MAD1L1: variants seen among roughly 807,000 people sequenced by gnomAD.
MAD1L1 encodes the protein mitotic spindle assembly checkpoint protein MAD1.
MAD1L1 carries 95 observed loss-of-function variants against 96.9 expected under a neutral mutation model. That is an observed-to-expected ratio of 0.98 (90% CI 0.83 to 1.16). The LOEUF is 1.16. Ranked by LOEUF, MAD1L1 falls within the 50% of genes most tolerant of loss-of-function variation. MAD1L1 has a pLI of 0.00. For synonymous variants in MAD1L1, 473 were observed against 396.6 expected, an observed-to-expected ratio of 1.19 and a Z score of -2.29; for missense variants, 1,007 against 954.4, an observed-to-expected ratio of 1.06 and a Z score of -0.73.
chr7:1,942,518 C>G (rs756443525), intron 16 of MAD1L1, among the ~76,000 whole-genome samples: 1 of 152,178 alleles, frequency 6.6e-6, no homozygotes, highest in Non-Finnish European at 1.5e-5. Context: ...TCCAGGGCAG[C>G]CGAGTGTCGG....
At chr7:2,100,412 G>A (rs1256775033) in intron 11 of MAD1L1, among the ~76,000 whole-genome samples, 4 of 152,214 alleles carry the variant, frequency 2.6e-5, no homozygotes, top group Non-Finnish European at 5.9e-5. Flanking sequence ...CTGCTTCCTG[G>A]AGGGGGTGCC....
intron 17 of MAD1L1, among the ~76,000 whole-genome samples, chr7:1,899,922 G>A (rs1036578606): frequency 3.9e-5 from 6 of 152,202 alleles, no homozygotes; most frequent in African/African-American, 9.6e-5. Context: ...GGGAGGGGCC[G>A]CGGTTTCAGC....
chr7:2,219,522 A>C, intron 5 of MAD1L1, 66 bp from the exon 6 acceptor site: 1 of 1,566,482 alleles, frequency 6.4e-7, no homozygotes, highest in Non-Finnish European at 8.7e-7. Context: ...GAGCCTGCAC[A>C]TGGAGATGAG....
intron 11 of MAD1L1, among the ~76,000 whole-genome samples, chr7:2,147,332 A>G (rs1789359356): frequency 6.6e-6 from 1 of 152,134 alleles, no homozygotes; most frequent in Admixed American, 6.5e-5. Flanking sequence ...GCCCCATCTC[A>G]GGGAAGCGTC....
In MAD1L1 at chr7:1,980,482, C is replaced by T. The variant is rs757654101; in HGVS notation, c.1476G>A (p.Leu492=). ...SQSSSAEQSF[L]FSREEADTLR... ...GCGTGTCCGCCTCCTCCCTGGAGAA[C>T]AGGAAGCTCTGTTCGGCAGAGCTGG... is the stretch of plus-strand genomic sequence containing the variant. The change falls in exon 15 of 19, where the codon CTG becomes CTA. Residue 492 remains leucine (L), a synonymous_variant. Transcript: ENST00000265854. The T allele has an allele frequency of 3.8e-6, 6 of 1,597,358 alleles. No homozygotes were observed. The highest frequency in any genetic ancestry group is 5.1e-6 in the Non-Finnish European group (6 of 1,177,302).
At chr7:2,160,263 C>G (rs1030856820) in intron 10 of MAD1L1, among the ~76,000 whole-genome samples, 1 of 147,658 alleles carries the variant, frequency 6.8e-6, no homozygotes, top group Non-Finnish European at 1.5e-5. Flanking sequence ...AAAAGATAAA[C>G]AAGAAAATAA....
In MAD1L1 at chr7:2,142,077, T is replaced by G. The variant is rs1242603783; in HGVS notation, c.1073+7075A>C. On this transcript the variant is annotated intron_variant, in intron 11 of 18. Coordinates refer to ENST00000265854, the MANE Select transcript of MAD1L1 (RefSeq NM_001013836.2). This position sits in a 1 kb window ranked among gnomAD's most constrained non-coding sequence, Gnocchi z 4.7. Reference sequence around the variant, plus strand: ...ACTCACTGAGGGGTCCATGTTCAAGTGCATGGTGCCAGACCCCAGGCACAG... The same window carrying G: ...ACTCACTGAGGGGTCCATGTTCAAGGGCATGGTGCCAGACCCCAGGCACAG... 6.6e-6 allele frequency among the ~76,000 whole-genome samples: 1 copy of G among 152,140 alleles called. No individual in the cohort carries two copies. The highest frequency in any genetic ancestry group is 2.4e-5 in the African/African-American group (1 of 41,424).
At chr7:1,947,590 T>C in intron 16 of MAD1L1, among the ~76,000 whole-genome samples, 1 of 121,726 alleles carries the variant, frequency 8.2e-6, no homozygotes, top group African/African-American at 3.1e-5. Flanking sequence ...CCCGTGGCCT[T>C]GCCTGCTTGG....
intron 18 of MAD1L1, among the ~76,000 whole-genome samples, chr7:1,889,857 G>A (rs1162943240): frequency 3.9e-5 from 6 of 152,144 alleles, no homozygotes; most frequent in African/African-American, 1.4e-4. Flanking sequence ...CAGAGGCCCA[G>A]CCACCCATGA....
At position 2,017,513 on chromosome 7, in the gene MAD1L1, T is replaced by C. The variant is rs377181365; in HGVS notation, c.1219-2871A>G. Among the ~76,000 whole-genome samples the C allele has an allele frequency of 2.6e-5, 4 of 151,918 alleles. No individual in the cohort carries two copies. The South Asian group carries it at 6.2e-4, about 24-fold the overall frequency. ...GGCCGATGGGGGCCGGGGGCAGCAG[T>C]AGAGGGCGGCTCTGCCCTGGCCTGC... On this transcript the variant is annotated intron_variant, in intron 12 of 18. Coordinates refer to ENST00000265854, the MANE Select transcript of MAD1L1 (RefSeq NM_001013836.2).
At chr7:2,045,253 GC>G (rs1256950140) in intron 12 of MAD1L1, among the ~76,000 whole-genome samples, 1 of 152,138 alleles carries the variant, frequency 6.6e-6, no homozygotes, top group African/African-American at 2.4e-5. Context: ...CCCTGTGAGA[GC>G]CCCCGTATCC....
chr7:2,134,857 G>C (rs1788679390), intron 11 of MAD1L1, among the ~76,000 whole-genome samples: 1 of 152,154 alleles, frequency 6.6e-6, no homozygotes, highest in Non-Finnish European at 1.5e-5. Context: ...CTCATCTAGG[G>C]CAAGAACACC....
rs367693991 is a variant in MAD1L1, at chr7:2,136,979, T to C, written c.1073+12173A>G. The stretch of plus-strand genomic sequence containing the variant: ...GCTCCCAAGTCCACTGATGATGCCC[T>C]GGGCTTGGCAGTGCCGGGCATGAGA... On this transcript the variant is annotated intron_variant, in intron 11 of 18. Coordinates refer to ENST00000265854, the MANE Select transcript of MAD1L1 (RefSeq NM_001013836.2). 5.9e-5 allele frequency among the ~76,000 whole-genome samples: 9 copies of C among 152,324 alleles called. No individual in the cohort carries two copies. The South Asian group carries it at 1.9e-3, about 32-fold the overall frequency.
At chr7:1,842,018 G>A (rs1583521498) in intron 18 of MAD1L1, among the ~76,000 whole-genome samples, 1 of 152,194 alleles carries the variant, frequency 6.6e-6, no homozygotes, top group Admixed American at 6.5e-5. Flanking sequence ...CTTACCCTCC[G>A]GCGTCACCAT....
At chr7:1,924,400 G>A (rs572211770) in intron 17 of MAD1L1, among the ~76,000 whole-genome samples, 1 of 152,338 alleles carries the variant, frequency 6.6e-6, no homozygotes, top group South Asian at 2.1e-4. Flanking sequence ...CATCTGCACG[G>A]AGGGGAAAGG....
chr7:2,197,006 C>T (rs1359488453), intron 10 of MAD1L1, among the ~76,000 whole-genome samples: 1 of 152,236 alleles, frequency 6.6e-6, no homozygotes, highest in East Asian at 1.9e-4. Flanking sequence ...AGGAAAGAGG[C>T]CCCTTCACAA....
intron 18 of MAD1L1, among the ~76,000 whole-genome samples, chr7:1,832,879 G>A (rs1333724249): frequency 6.6e-6 from 1 of 152,046 alleles, no homozygotes; most frequent in Admixed American, 6.5e-5. Flanking sequence ...TGATCCACTT[G>A]CCTCAGCCTC....
intron 13 of MAD1L1, among the ~76,000 whole-genome samples, chr7:2,008,774 G>A (rs77560298): frequency 2.0e-5 from 3 of 150,624 alleles, no homozygotes; most frequent in Non-Finnish European, 4.5e-5. Context: ...GAAGCTCAGG[G>A]GGGGAAGGAA....
intron 10 of MAD1L1, among the ~76,000 whole-genome samples, chr7:2,170,032 C>A (rs1790638672): frequency 6.6e-6 from 1 of 152,208 alleles, no homozygotes; most frequent in Admixed American, 6.5e-5. Flanking sequence ...TCCGAAGGGG[C>A]CCTGCCTCCC....
Sources: allele counts gnomAD v4.1 joint callset (sites outside exome capture counted in the v4.1 genomes callset), GRCh38; gene constraint gnomAD v4.1.1; non-coding constraint Gnocchi (gnomAD v3.1); transcripts MANE v1.5; gene names NCBI Gene and HGNC (gene_info 2026-07-23, HGNC 2026-07-21).